Variants in HIBADH observed in about 807,000 individuals in gnomAD.
HIBADH encodes 3-hydroxyisobutyrate dehydrogenase.
In HIBADH, 25 loss-of-function variants were observed where a neutral mutation model predicts 36.1. That is an observed-to-expected ratio of 0.69 (90% confidence interval 0.50 to 0.97). The LOEUF (loss-of-function observed/expected upper bound fraction) is 0.97, where lower values mean the gene tolerates loss of function less well. Among genes scored for constraint, HIBADH ranks in the 50% least tolerant of loss-of-function variants. HIBADH has a pLI of 0.00. For synonymous variants in HIBADH, 160 were observed against 149.5 expected, an observed-to-expected ratio of 1.07 and a Z score of -0.51; for missense variants, 421 against 418.0, an observed-to-expected ratio of 1.01 and a Z score of -0.06.
chr7:27,630,552 T>A (rs969666168), intron 3 of HIBADH, among the ~76,000 whole-genome samples: 1 of 151,940 alleles, frequency 6.6e-6, no homozygotes, highest in Non-Finnish European at 1.5e-5. Context: ...AGAAAAATCA[T>A]TGATAAAAAC....
rs762685685 is a variant in HIBADH, at chr7:27,645,368, A to ATTTTTTTTTTTTT, written c.252+4092_252+4104dup. 7.7e-4 allele frequency among the ~76,000 whole-genome samples: 46 copies of ATTTTTTTTTTTTT among 59,642 alleles called. 9 individuals carry two copies. The highest frequency in any genetic ancestry group is 8.8e-4 in the Non-Finnish European group (28 of 31,788). 39.1% of individuals were successfully genotyped at this position (59,642 alleles called of 152,430 possible). On this transcript the variant is annotated intron_variant, in intron 2 of 7. Transcript: ENST00000265395. Reference sequence around the variant, plus strand: ...CTAGTGGGTGTGTCTCATGGTTTTGATTTTTTTTTTTTTTTTTTTTTTTTT... The same window carrying ATTTTTTTTTTTTT: ...CTAGTGGGTGTGTCTCATGGTTTTGATTTTTTTTTTTTTTTTTTTTTTTTTTTTTTTTTTTTTT...
intron 4 of HIBADH, among the ~76,000 whole-genome samples, chr7:27,621,782 A>G (rs1785548055): frequency 6.6e-6 from 1 of 152,158 alleles, no homozygotes; most frequent in African/African-American, 2.4e-5. Context: ...ACAAAGCGAG[A>G]CTCGATCTCA....
intron 1 of HIBADH, among the ~76,000 whole-genome samples, chr7:27,654,582 A>G (rs1786262335): frequency 1.3e-5 from 2 of 152,160 alleles, no homozygotes; most frequent in Non-Finnish European, 1.5e-5. Context: ...AGAAGGAAAA[A>G]ACAACTATCA....
chr7:27,641,843 A>T (rs748221756), intron 2 of HIBADH, among the ~76,000 whole-genome samples: 18 of 151,866 alleles, frequency 1.2e-4, no homozygotes, highest in Non-Finnish European at 2.1e-4. Context: ...CACTTCATTC[A>T]TCTGAATTTC....
chr7:27,658,736 T>C (rs1786354678), intron 1 of HIBADH, among the ~76,000 whole-genome samples: 1 of 152,218 alleles, frequency 6.6e-6, no homozygotes, highest in Non-Finnish European at 1.5e-5. Context: ...TTTCATTATA[T>C]CATAAGGTTA....
chr7:27,654,261 A>T (rs1227678637), intron 1 of HIBADH, among the ~76,000 whole-genome samples: 1 of 152,190 alleles, frequency 6.6e-6, no homozygotes. Flanking sequence ...AACCACCCAA[A>T]CACATATGTA....
At chr7:27,631,474 T>G (rs1183427735) in intron 3 of HIBADH, among the ~76,000 whole-genome samples, 1 of 152,210 alleles carries the variant, frequency 6.6e-6, no homozygotes, top group Non-Finnish European at 1.5e-5. Context: ...TTCTTGTGAC[T>G]ACAGTGTCTA....
intron 4 of HIBADH, among the ~76,000 whole-genome samples, chr7:27,564,395 T>C (rs1489924723): frequency 6.6e-6 from 1 of 152,202 alleles, no homozygotes; most frequent in Non-Finnish European, 1.5e-5. Context: ...TTTTTCTTAA[T>C]ATATGTAGAA....
At chr7:27,545,232 G>A (rs1426563774) in intron 4 of HIBADH, among the ~76,000 whole-genome samples, 3 of 152,174 alleles carry the variant, frequency 2.0e-5, no homozygotes, top group African/African-American at 7.2e-5. Context: ...CTTGAGCCCA[G>A]AAGTTTGAGA....
intron 4 of HIBADH, among the ~76,000 whole-genome samples, chr7:27,605,555 G>A (rs543888391): frequency 1.9e-5 from 2 of 104,820 alleles, no homozygotes; most frequent in African/African-American, 3.8e-5. Context: ...ATTTTTATAC[G>A]CTGGATTCCC....
At chr7:27,640,502 C>G (rs1785940583) in intron 2 of HIBADH, among the ~76,000 whole-genome samples, 1 of 152,184 alleles carries the variant, frequency 6.6e-6, no homozygotes, top group Admixed American at 6.5e-5. Context: ...TGCATTCCAG[C>G]CTGGGTGACA....
chr7:27,534,237 T>A (rs1784040956), intron 6 of HIBADH, among the ~76,000 whole-genome samples: 1 of 152,206 alleles, frequency 6.6e-6, no homozygotes, highest in African/African-American at 2.4e-5. Context: ...TTTGTTTATA[T>A]TATCTGTGAG....
chr7:27,639,442 G>C (rs981424921), intron 2 of HIBADH, among the ~76,000 whole-genome samples: 3 of 152,096 alleles, frequency 2.0e-5, no homozygotes, highest in Admixed American at 6.6e-5. Flanking sequence ...TACCTGAGGG[G>C]GGAGGGAGGG....
chr7:27,606,351 C>T (rs191421929), intron 4 of HIBADH, among the ~76,000 whole-genome samples: 2 of 152,282 alleles, frequency 1.3e-5, no homozygotes, highest in East Asian at 1.9e-4. Context: ...ACACAGATCC[C>T]TTCCTGGGAA....
intron 4 of HIBADH, among the ~76,000 whole-genome samples, chr7:27,603,155 TGGATTGACTAAAAA>T (rs755180097): frequency 2.4e-4 from 37 of 152,326 alleles, no homozygotes; most frequent in Admixed American, 7.2e-4. Flanking sequence ...GCTTTTTCTC[TGGATTGACTAAAAA>T]GGTAAGTTTA....
chr7:27,564,828 CAT>C (rs1384618986), intron 4 of HIBADH, among the ~76,000 whole-genome samples: 1 of 152,182 alleles, frequency 6.6e-6, no homozygotes, highest in Non-Finnish European at 1.5e-5. Flanking sequence ...GTAGTTTTCA[CAT>C]GTTCTGCACA....
At chr7:27,611,079 A>C (rs1785312942) in intron 4 of HIBADH, among the ~76,000 whole-genome samples, 1 of 152,222 alleles carries the variant, frequency 6.6e-6, no homozygotes, top group Admixed American at 6.5e-5. Context: ...TAACTCAGCC[A>C]AGTAGAGTAT....
Position 27,632,399 on chromosome 7 carries a change from A to G in HIBADH, c.299T>C (p.Ile100Thr). ...ADVAEKADRI[I>T]TMLPTSINAI... ...ATTGATACTGGTGGGCAGCATTGTA[A>G]TAATTCTGTCAGCTTTTTCAGCAAC... The change falls in exon 3 of 8, where the codon ATT (isoleucine) becomes ACT (threonine). Residue 100 changes from isoleucine to threonine, a missense_variant. Physicochemically the swap from Ile to Thr is moderately conservative, Grantham distance 89 (BLOSUM62 -1). Transcript: ENST00000265395. 6.2e-7 allele frequency: 1 copy of G among 1,613,736 alleles called. No individual in the cohort carries two copies. The highest frequency in any genetic ancestry group is 1.1e-5 in the South Asian group (1 of 91,074).
At chr7:27,555,248 G>C (rs757953430) in intron 4 of HIBADH, among the ~76,000 whole-genome samples, 1 of 146,930 alleles carries the variant, frequency 6.8e-6, no homozygotes, top group African/African-American at 2.5e-5. Context: ...GGGGAGAACT[G>C]TTCTTCCGGT....
Sources: gnomAD v4.1 joint callset for allele counts (sites outside exome capture counted in the v4.1 genomes callset) on GRCh38, gnomAD v4.1.1 for gene constraint, MANE v1.5 for transcripts, NCBI Gene and HGNC (gene_info 2026-07-23, HGNC 2026-07-21) for gene names.